Variants in MAP6 observed in about 807,000 individuals in gnomAD.
MAP6 encodes the protein microtubule associated protein 6.
Under a neutral mutation model 42.4 loss-of-function variants are expected in MAP6, and 26 were observed. The ratio of observed to expected loss-of-function variants is 0.61; its 90% CI spans 0.45 to 0.85. MAP6 has a LOEUF of 0.85. Among genes scored for constraint, MAP6 ranks in the 40% least tolerant of loss-of-function variants. The probability of loss-of-function intolerance (pLI) is 0.00; values close to 1 mark genes in which losing one functional copy is unlikely to be tolerated. For missense variants in MAP6, 966 were observed against 1,099.0 expected (o/e 0.88, Z 1.71); for synonymous variants, 418 against 443.8 (o/e 0.94, Z 0.73).
intron 3 of MAP6, among the ~76,000 whole-genome samples, chr11:75,599,559 T>G (rs1942633568): frequency 6.6e-6 from 1 of 152,184 alleles, no homozygotes; most frequent in African/African-American, 2.4e-5. Flanking sequence ...CTGAGCCAGA[T>G]GTATATAGAT....
At chr11:75,632,864 G>A (rs1328566535) in intron 1 of MAP6, among the ~76,000 whole-genome samples, 2 of 152,066 alleles carry the variant, frequency 1.3e-5, no homozygotes. Context: ...TTTACAGATG[G>A]AAAAAAATTA....
chr11:75,604,297 C>A lies in MAP6; in HGVS notation c.1316+1511G>T, dbSNP rs1003695982. The A allele has an allele frequency of 7.1e-6, 7 of 985,708 alleles. No individual in the cohort carries two copies. In the African/African-American group the frequency reaches 1.2e-4, roughly 17 times the overall value. The allele number at this position is 985,708 out of a possible 1,614,324, so 61.1% of individuals were successfully genotyped here. Reference sequence around the variant, plus strand: ...CAAAATGATGTAAGCAGAGACTTTGCTGCCTGAATGGTCGGAGTAAGAGAG... The same window carrying A: ...CAAAATGATGTAAGCAGAGACTTTGATGCCTGAATGGTCGGAGTAAGAGAG... On this transcript the variant is annotated intron_variant, in intron 3 of 3. Coordinates refer to ENST00000304771, the MANE Select transcript of MAP6 (RefSeq NM_033063.2).
intron 1 of MAP6, among the ~76,000 whole-genome samples, chr11:75,663,245 C>CT (rs2135700215): frequency 6.6e-6 from 1 of 152,256 alleles, no homozygotes; most frequent in South Asian, 2.1e-4. Context: ...TCCTGATGTG[C>CT]TGGGATTACA....
chr11:75,632,071 T>A (rs1943292947), intron 1 of MAP6, among the ~76,000 whole-genome samples: 1 of 152,230 alleles, frequency 6.6e-6, no homozygotes, highest in Non-Finnish European at 1.5e-5. Context: ...CATTTCCTAC[T>A]ATGGCTTTGG....
At chr11:75,643,503 A>G (rs1340508156) in intron 1 of MAP6, among the ~76,000 whole-genome samples, 3 of 152,218 alleles carry the variant, frequency 2.0e-5, no homozygotes, top group African/African-American at 4.8e-5. Context: ...AATGTAGAAG[A>G]CAAACCTCAC....
At chr11:75,657,915 C>T (rs1249219389) in intron 1 of MAP6, among the ~76,000 whole-genome samples, 1 of 152,206 alleles carries the variant, frequency 6.6e-6, no homozygotes, top group Non-Finnish European at 1.5e-5. Context: ...AGGCCCATAA[C>T]TTAATGACAC....
intron 1 of MAP6, among the ~76,000 whole-genome samples, chr11:75,644,498 T>G (rs1423320532): frequency 6.6e-6 from 1 of 152,166 alleles, no homozygotes; most frequent in African/African-American, 2.4e-5. Flanking sequence ...CTAAAAATAA[T>G]TTTTCATGGT....
intron 1 of MAP6, among the ~76,000 whole-genome samples, chr11:75,627,887 AG>A (rs1943224184): frequency 6.6e-6 from 1 of 152,230 alleles, no homozygotes; most frequent in African/African-American, 2.4e-5. Flanking sequence ...ACAATACCAA[AG>A]CAGGCACAAG....
chr11:75,666,838 G>C (rs562245060), intron 1 of MAP6, among the ~76,000 whole-genome samples: 1 of 152,346 alleles, frequency 6.6e-6, no homozygotes, highest in South Asian at 2.1e-4. Flanking sequence ...GGCCCAGAAA[G>C]GTTAGGAAAC....
chr11:75,607,985 G>T, intron 2 of MAP6, 124 bp downstream of exon 2: 1 of 841,020 alleles, frequency 1.2e-6, no homozygotes, highest in Non-Finnish European at 1.9e-6. Flanking sequence ...TTTAGAGGAA[G>T]CAGGGATTTT....
intron 1 of MAP6, among the ~76,000 whole-genome samples, chr11:75,641,084 C>G (rs1286161549): frequency 6.6e-6 from 1 of 152,068 alleles, no homozygotes; most frequent in Non-Finnish European, 1.5e-5. Context: ...GGAACCAACC[C>G]AAATGTCCAG....
At chr11:75,609,510 G>T (rs952639412) in intron 1 of MAP6, among the ~76,000 whole-genome samples, 10 of 152,222 alleles carry the variant, frequency 6.6e-5, no homozygotes, top group African/African-American at 2.4e-4. Context: ...ACGGAGACAC[G>T]CAGGCTCTCG....
intron 1 of MAP6, among the ~76,000 whole-genome samples, chr11:75,633,677 G>A (rs1281739568): frequency 6.6e-6 from 1 of 152,230 alleles, no homozygotes; most frequent in Non-Finnish European, 1.5e-5. Flanking sequence ...CTGATCAAGT[G>A]AGAGTTGAAC....
chr11:75,653,998 T>C (rs989776521), intron 1 of MAP6, among the ~76,000 whole-genome samples: 2 of 152,196 alleles, frequency 1.3e-5, no homozygotes, highest in Non-Finnish European at 2.9e-5. Flanking sequence ...TTCATATCTA[T>C]TAAGCATCTA....
In MAP6 at chr11:75,667,873, G is replaced by T. The variant is rs960771886; in HGVS notation, c.497C>A (p.Pro166Gln). 3 of 1,445,376 alleles carry T rather than the reference G, an allele frequency of 2.1e-6. No homozygotes were observed. In the South Asian group the frequency reaches 4.2e-5, roughly 20 times the overall value. 89.5% of individuals were successfully genotyped at this position (1,445,376 alleles called of 1,614,324 possible). ...YQKDFRAWPL[P>Q]RRGDHPWIPK... Reference sequence around the variant, plus strand: ...GATCCACGGGTGGTCCCCGCGGCGCGGCAGCGGCCAGGCGCGGAAGTCCTT... The same window carrying T: ...GATCCACGGGTGGTCCCCGCGGCGCTGCAGCGGCCAGGCGCGGAAGTCCTT... The change falls in exon 1 of 4, where the codon CCG becomes CAG. Residue 166 changes from proline (P) to glutamine (Q), a missense_variant. Pro to Gln is a moderately conservative substitution (Grantham distance 76, BLOSUM62 -1). This residue lies in a region of MAP6 where 943 missense variants were observed against 1,049.9 expected (regional missense o/e 0.90). Coordinates refer to ENST00000304771, the MANE Select transcript of MAP6 (RefSeq NM_033063.2). This position sits in a 1 kb window ranked among gnomAD's most constrained non-coding sequence, Gnocchi z 5.6.
At chr11:75,653,798 G>A (rs192966978) in intron 1 of MAP6, among the ~76,000 whole-genome samples, 3 of 152,270 alleles carry the variant, frequency 2.0e-5, no homozygotes, top group Admixed American at 1.3e-4. Context: ...GCATTTAATG[G>A]TTCTTTACCC....
At chr11:75,649,997 T>C (rs1565277755) in intron 1 of MAP6, among the ~76,000 whole-genome samples, 1 of 152,200 alleles carries the variant, frequency 6.6e-6, no homozygotes, top group Non-Finnish European at 1.5e-5. Flanking sequence ...TAAGCGGGAA[T>C]GAGAGCAGTA....
chr11:75,650,676 T>C (rs1943632146), intron 1 of MAP6, among the ~76,000 whole-genome samples: 2 of 152,208 alleles, frequency 1.3e-5, no homozygotes, highest in Admixed American at 6.5e-5. Flanking sequence ...TCGTATCCTA[T>C]ATCCTATGGC....
intron 1 of MAP6, among the ~76,000 whole-genome samples, chr11:75,640,669 C>T (rs1423844526): frequency 2.6e-5 from 4 of 152,086 alleles, no homozygotes; most frequent in African/African-American, 4.8e-5. Context: ...AAAAAGTGGG[C>T]GAAGGATATG....
Sources: gnomAD v4.1 joint callset for allele counts (sites outside exome capture counted in the v4.1 genomes callset) on GRCh38, gnomAD v4.1.1 for gene constraint, gnomAD v4.1.1 regional missense constraint, Gnocchi (gnomAD v3.1) non-coding constraint, MANE v1.5 for transcripts, NCBI Gene and HGNC (gene_info 2026-07-23, HGNC 2026-07-21) for gene names.